Variants in HMGB1 observed in about 807,000 individuals in gnomAD.
The protein encoded by HMGB1 is high mobility group box 1.
For synonymous variants in HMGB1, 81 were observed against 84.0 expected (o/e 0.96, Z 0.19); for missense variants, 79 against 253.5 (o/e 0.31, Z 4.67).
intron 1 of HMGB1, among the ~76,000 whole-genome samples, chr13:30,519,485 G>A (rs1436191402): frequency 6.6e-6 from 1 of 151,342 alleles, no homozygotes; most frequent in Non-Finnish European, 1.5e-5. Context: ...CACGAGGTCA[G>A]GAGATCGAGA....
Position 30,459,862 on chromosome 13 carries a change from G to A in HMGB1, c.*1495C>T, listed in dbSNP as rs1478135993. ...CATTTAACTAGTATTTAAAACCTCT[G>A]CAATTATTAGTTTATTAGTATCATC... On this transcript the variant is annotated 3_prime_UTR_variant, in exon 5 of 5. Coordinates refer to ENST00000341423, the MANE Select transcript of HMGB1 (RefSeq NM_002128.7). 1 of 152,516 alleles carries A rather than the reference G, an allele frequency of 6.6e-6. No individual in the cohort carries two copies. The highest frequency in any genetic ancestry group is 2.4e-5 in the African/African-American group (1 of 41,424). The allele number at this position is 152,516 out of a possible 1,614,324, so 9.4% of individuals were successfully genotyped here.
intron 1 of HMGB1, among the ~76,000 whole-genome samples, chr13:30,524,916 G>A (rs114842146): frequency 1.1e-3 from 160 of 152,192 alleles, no homozygotes; most frequent in Middle Eastern, 3.4e-3. Context: ...TTATATATGC[G>A]TTGTTTTTTT....
chr13:30,612,961 A>G (rs1328862484), intron 1 of HMGB1, among the ~76,000 whole-genome samples: 3 of 152,266 alleles, frequency 2.0e-5, no homozygotes, highest in Non-Finnish European at 4.4e-5. Context: ...TACATGTCCA[A>G]TTACGAGAAT....
At chr13:30,466,003 C>A, upstream of HMGB1, 2 of 970,150 alleles carry the variant, frequency 2.1e-6, no homozygotes, top group Non-Finnish European at 2.5e-6. Flanking sequence ...TGGCCCGATA[C>A]CTCCCATTGT....
At position 30,463,369 on chromosome 13, in the gene HMGB1, TG is replaced by T; in HGVS notation, c.151-18del. On this transcript the variant is annotated intron_variant, in intron 2 of 4. Transcript: ENST00000341423. Reference sequence around the variant, plus strand: ...AGACATGGTCTACAAAATAATTATTTGTAAGTTTAAGTTGTAACATTTAAGT... The same window carrying T: ...AGACATGGTCTACAAAATAATTATTTTAAGTTTAAGTTGTAACATTTAAGT... The T allele has an allele frequency of 6.3e-7, 1 of 1,586,698 alleles. No homozygotes were observed. Among genetic ancestry groups the T allele is most frequent in the Non-Finnish European group, 8.5e-7 (1 of 1,169,614 alleles).
At chr13:30,555,053 T>TTTG (rs1869622149) in intron 1 of HMGB1, among the ~76,000 whole-genome samples, 1 of 143,338 alleles carries the variant, frequency 7.0e-6, no homozygotes, top group Non-Finnish European at 1.5e-5. Flanking sequence ...TTTTTTTTTT[T>TTTG]TTTTTGAGAC....
intron 1 of HMGB1, among the ~76,000 whole-genome samples, chr13:30,615,006 G>C (rs1950547236): frequency 6.6e-6 from 1 of 151,668 alleles, no homozygotes; most frequent in South Asian, 2.1e-4. Context: ...CACCACGCCC[G>C]GCCGAGTTGT....
intron 1 of HMGB1, among the ~76,000 whole-genome samples, chr13:30,510,709 C>T (rs1017853259): frequency 1.3e-5 from 2 of 152,076 alleles, no homozygotes; most frequent in Admixed American, 6.6e-5. Flanking sequence ...AGATCTAACT[C>T]GCGAGGAGGC....
At chr13:30,609,435 T>C (rs1051584802) in intron 1 of HMGB1, among the ~76,000 whole-genome samples, 8 of 152,190 alleles carry the variant, frequency 5.3e-5, no homozygotes, top group Non-Finnish European at 1.0e-4. Flanking sequence ...AGTTGACCCC[T>C]GAACAATGCA....
chr13:30,517,079 G>T (rs1451949631), intron 1 of HMGB1, among the ~76,000 whole-genome samples: 1 of 152,208 alleles, frequency 6.6e-6, no homozygotes, highest in Non-Finnish European at 1.5e-5. Context: ...CCAAAAAGAA[G>T]GAATGACCTT....
chr13:30,484,057 C>G (rs1566002114), intron 1 of HMGB1, among the ~76,000 whole-genome samples: 2 of 152,172 alleles, frequency 1.3e-5, no homozygotes, highest in African/African-American at 2.4e-5. Context: ...GTCTTTCCAG[C>G]AGGATAACCT....
chr13:30,476,263 C>T (rs547800480), intron 1 of HMGB1, among the ~76,000 whole-genome samples: 4 of 151,876 alleles, frequency 2.6e-5, no homozygotes, highest in Admixed American at 1.3e-4. Flanking sequence ...CTCAGCCTCC[C>T]GAGTAGTGGG....
chr13:30,480,655 G>A (rs571737988), intron 1 of HMGB1, among the ~76,000 whole-genome samples: 1 of 152,240 alleles, frequency 6.6e-6, no homozygotes, highest in East Asian at 1.9e-4. Context: ...AGGCCTCAGT[G>A]AGGACCTGCT....
chr13:30,463,804 G>A (rs1593255384), intron 1 of HMGB1, 110 bp from the exon 2 acceptor site: 2 of 674,696 alleles, frequency 3.0e-6, no homozygotes, highest in African/African-American at 1.8e-5. Context: ...TAACACAGTA[G>A]CGACATCAAC....
intron 1 of HMGB1, among the ~76,000 whole-genome samples, chr13:30,474,833 A>ACT (rs1440730295): frequency 1.1e-5 from 1 of 87,450 alleles, no homozygotes; most frequent in Non-Finnish European, 2.2e-5. Flanking sequence ...CAACCTTGGC[A>ACT]CTCTCTCTCT....
At chr13:30,504,481 T>C (rs974479988) in intron 1 of HMGB1, among the ~76,000 whole-genome samples, 1 of 152,226 alleles carries the variant, frequency 6.6e-6, no homozygotes, top group Non-Finnish European at 1.5e-5. Context: ...GTTATCTAGA[T>C]ACTTCTTTTC....
intron 1 of HMGB1, among the ~76,000 whole-genome samples, chr13:30,505,978 C>T (rs1235511428): frequency 2.0e-5 from 3 of 151,328 alleles, no homozygotes; most frequent in Non-Finnish European, 2.9e-5. Context: ...GCCTGCCTCT[C>T]GGCCTCCCAA....
chr13:30,530,863 A>G (rs570227390), intron 1 of HMGB1, among the ~76,000 whole-genome samples: 4 of 152,302 alleles, frequency 2.6e-5, no homozygotes, highest in South Asian at 4.1e-4. Flanking sequence ...CCTGGCCAAC[A>G]TAACGAAATC....
At chr13:30,463,720 G>T (rs779738340) in intron 1 of HMGB1, 26 bp from the exon 2 acceptor site, 19 of 1,430,816 alleles carry the variant, frequency 1.3e-5, no homozygotes, top group Non-Finnish European at 1.6e-5. Context: ...AATATTTGAT[G>T]TTAGCAATAA....
Sources: gnomAD v4.1 joint callset for allele counts (sites outside exome capture counted in the v4.1 genomes callset) on GRCh38, gnomAD v4.1.1 for gene constraint, MANE v1.5 for transcripts, NCBI Gene and HGNC (gene_info 2026-07-23, HGNC 2026-07-21) for gene names.